Variants in TNIK observed in about 807,000 individuals in gnomAD.
TNIK encodes the protein TRAF2 and NCK-interacting protein kinase.
A neutral mutation model predicts 191.3 loss-of-function variants in TNIK; 49 were observed. That is an observed-to-expected ratio of 0.26 (90% CI 0.20 to 0.32). The LOEUF (loss-of-function observed/expected upper bound fraction) is 0.32, where lower values mean the gene tolerates loss of function less well. Ranked by LOEUF, TNIK falls within the 10% of genes least tolerant of loss-of-function variation. The pLI is 1.00. For synonymous variants in TNIK, 594 were observed against 600.9 expected (o/e 0.99, Z 0.17); for missense variants, 1,155 against 1,702.3 (o/e 0.68, Z 5.66).
intron 1 of TNIK, among the ~76,000 whole-genome samples, chr3:171,390,911 C>A (rs1276511126): frequency 6.6e-6 from 1 of 152,138 alleles, no homozygotes; most frequent in Non-Finnish European, 1.5e-5. Context: ...GAAAGGGAGC[C>A]CAAACACTGA....
At chr3:171,335,993 A>AT (rs534003213) in intron 2 of TNIK, among the ~76,000 whole-genome samples, 1 of 152,050 alleles carries the variant, frequency 6.6e-6, no homozygotes, top group Non-Finnish European at 1.5e-5. Context: ...TCTCGTTGCA[A>AT]TTTTAATTTG....
At chr3:171,433,597 T>C (rs1365937088) in intron 1 of TNIK, among the ~76,000 whole-genome samples, 2 of 152,042 alleles carry the variant, frequency 1.3e-5, no homozygotes, top group East Asian at 1.9e-4. Flanking sequence ...TACACACACA[T>C]GCACATACAC....
In TNIK at chr3:171,157,509, C is replaced by T. The variant is rs745976368; in HGVS notation, c.1172G>A (p.Arg391His). The change falls in exon 12 of 33, where the codon CGT (arginine) becomes CAT (histidine). Residue 391 changes from arginine (R) to histidine (H), a missense_variant. Arg to His is a conservative substitution (Grantham distance 29, BLOSUM62 0). Transcript: ENST00000436636. ...EEHKRQLLAE[R>H]QKRIEEQKEQ... ...TTTCTGCTCCTCGATGCGCTTCTGA[C>T]GCTCGGCCAGCAGCTGCCGCTTGTG... The T allele has an allele frequency of 2.1e-5, 33 of 1,575,568 alleles. No homozygotes were observed. The highest frequency in any genetic ancestry group is 8.1e-5 in the African/African-American group (6 of 73,890).
intron 2 of TNIK, among the ~76,000 whole-genome samples, chr3:171,241,460 T>C (rs1254050134): frequency 3.3e-5 from 5 of 152,240 alleles, no homozygotes; most frequent in African/African-American, 1.2e-4. Flanking sequence ...TGGCCTTGCA[T>C]ATAAGTCAAG....
rs543328815 is a variant in TNIK, at chr3:171,084,261, C to T, written c.3063G>A (p.Ser1021=). The T allele has an allele frequency of 2.5e-5, 41 of 1,613,630 alleles. No homozygotes were observed. Among genetic ancestry groups the T allele is most frequent in the Middle Eastern group, 1.6e-4 (1 of 6,084 alleles). ...QAKLNEARKI[S]VVNVNPTNIR... ...TGTTGGTTGGGTTTACATTTACCAC[C>T]GAAATCTTTCTTGCTTCATTGAGTT... Residue 1021 remains serine (S), a synonymous_variant, in exon 26 of 33, where the codon TCG becomes TCA. Coordinates refer to ENST00000436636, the MANE Select transcript of TNIK (RefSeq NM_015028.4).
At chr3:171,123,960 A>G (rs909402744) in intron 17 of TNIK, among the ~76,000 whole-genome samples, 1 of 152,260 alleles carries the variant, frequency 6.6e-6, no homozygotes, top group Non-Finnish European at 1.5e-5. Flanking sequence ...AAATTTAAAG[A>G]TAGGTAAAGC....
intron 7 of TNIK, among the ~76,000 whole-genome samples, chr3:171,181,661 G>C (rs960731828): frequency 6.6e-6 from 1 of 152,144 alleles, no homozygotes; most frequent in Non-Finnish European, 1.5e-5. Flanking sequence ...TTAGTGCCTT[G>C]AATAAAAATA....
intron 12 of TNIK, among the ~76,000 whole-genome samples, chr3:171,151,089 C>A (rs1732376259): frequency 6.6e-6 from 1 of 152,218 alleles, no homozygotes. Context: ...TACTTCTCAG[C>A]AATCATGAAA....
At chr3:171,072,566 G>A (rs1040530029) in intron 28 of TNIK, among the ~76,000 whole-genome samples, 1 of 152,014 alleles carries the variant, frequency 6.6e-6, no homozygotes, top group African/African-American at 2.4e-5. Context: ...AGTATTGGAA[G>A]TCCTAGCCAG....
intron 2 of TNIK, among the ~76,000 whole-genome samples, chr3:171,255,116 A>C (rs1288349664): frequency 6.7e-6 from 1 of 149,250 alleles, no homozygotes; most frequent in African/African-American, 2.5e-5. Context: ...ATTTTGCTGG[A>C]TTGCAATGGA....
At chr3:171,147,957 TACTTGTTACCTACCTTA>T (rs892963858) in intron 12 of TNIK, among the ~76,000 whole-genome samples, 5 of 152,290 alleles carry the variant, frequency 3.3e-5, no homozygotes, top group East Asian at 1.9e-4. Context: ...TTTCTATCTT[TACTTGTTACCTACCTTA>T]ACTTGTTACC....
intron 1 of TNIK, among the ~76,000 whole-genome samples, chr3:171,392,577 C>T (rs1009767109): frequency 4.6e-5 from 7 of 151,910 alleles, no homozygotes; most frequent in Non-Finnish European, 1.0e-4. Context: ...GTCAGGAGTT[C>T]GTGACCAGCC....
chr3:171,398,978 C>G (rs1720577873), intron 1 of TNIK, among the ~76,000 whole-genome samples: 1 of 152,186 alleles, frequency 6.6e-6, no homozygotes, highest in Non-Finnish European at 1.5e-5. Flanking sequence ...TCCCAGGGGA[C>G]TTCTCACCCA....
At chr3:171,450,568 A>G (rs1198608622) in intron 1 of TNIK, among the ~76,000 whole-genome samples, 5 of 152,218 alleles carry the variant, frequency 3.3e-5, no homozygotes, top group Non-Finnish European at 5.9e-5. Flanking sequence ...TGGATCACCA[A>G]TCACCAAGCC....
At chr3:171,112,018 A>G (rs1019058186) in intron 18 of TNIK, among the ~76,000 whole-genome samples, 4 of 152,236 alleles carry the variant, frequency 2.6e-5, no homozygotes, top group African/African-American at 9.6e-5. Context: ...AGTACAGATC[A>G]TAACGAGGTA....
intron 1 of TNIK, among the ~76,000 whole-genome samples, chr3:171,446,019 C>T (rs183155516): frequency 1.3e-5 from 2 of 152,264 alleles, no homozygotes; most frequent in Admixed American, 6.5e-5. Flanking sequence ...GCAGAGTCAT[C>T]GAGTGCAGAT....
chr3:171,188,032 A>G (rs1737584372), intron 7 of TNIK, among the ~76,000 whole-genome samples: 1 of 152,266 alleles, frequency 6.6e-6, no homozygotes, highest in East Asian at 1.9e-4. Flanking sequence ...CTGAGGGGCA[A>G]TAATGCAAAA....
chr3:171,426,758 T>C (rs1724688924), intron 1 of TNIK, among the ~76,000 whole-genome samples: 2 of 152,080 alleles, frequency 1.3e-5, no homozygotes, highest in African/African-American at 2.4e-5. Context: ...AACCCGTCTT[T>C]ACTTTCCCGG....
chr3:171,227,760 T>C (rs1743125399), intron 3 of TNIK, among the ~76,000 whole-genome samples: 1 of 152,212 alleles, frequency 6.6e-6, no homozygotes, highest in Admixed American at 6.5e-5. Flanking sequence ...ATTACAAATA[T>C]AGAGATGGTC....
Sources: allele counts gnomAD v4.1 joint callset (sites outside exome capture counted in the v4.1 genomes callset), GRCh38; gene constraint gnomAD v4.1.1; transcripts MANE v1.5; gene names NCBI Gene and HGNC (gene_info 2026-07-23, HGNC 2026-07-21).